Variants in COG5 observed in about 807,000 individuals in gnomAD.
COG5 encodes the protein conserved oligomeric Golgi complex subunit 5.
COG5 carries 86 observed loss-of-function variants against 110.4 expected under a neutral mutation model. That is an observed-to-expected ratio of 0.78 (90% CI 0.65 to 0.93). COG5 has a LOEUF of 0.93. Among genes scored for constraint, COG5 ranks in the 40% least tolerant of loss-of-function variants. The pLI is 0.00. For synonymous variants in COG5, 360 were observed against 334.6 expected, an observed-to-expected ratio of 1.08 and a Z score of -0.83; for missense variants, 1,077 against 987.0, an observed-to-expected ratio of 1.09 and a Z score of -1.22.
At chr7:107,557,864 T>C in intron 2 of COG5, 112 bp downstream of exon 2, 1 of 1,341,816 alleles carries the variant, frequency 7.5e-7, no homozygotes, top group Non-Finnish European at 1.1e-6. Flanking sequence ...GTCACACTGG[T>C]AAGTATGTAC....
chr7:107,328,291 G>T (rs139251105), intron 10 of COG5, among the ~76,000 whole-genome samples: 1 of 152,284 alleles, frequency 6.6e-6, no homozygotes, highest in Admixed American at 6.5e-5. Flanking sequence ...TAACACAATA[G>T]TACATTTGTG....
At chr7:107,306,535 G>C (rs1330469613) in intron 11 of COG5, among the ~76,000 whole-genome samples, 3 of 152,050 alleles carry the variant, frequency 2.0e-5, no homozygotes, top group Non-Finnish European at 4.4e-5. Context: ...AAAATATTAG[G>C]ATGGAATGAA....
intron 6 of COG5, among the ~76,000 whole-genome samples, chr7:107,492,989 G>C (rs1167866411): frequency 6.6e-6 from 1 of 152,156 alleles, no homozygotes; most frequent in Non-Finnish European, 1.5e-5. Context: ...TATGCTGGAA[G>C]TTTAATCCCC....
chr7:107,388,129 A>T (rs753488708), intron 7 of COG5, among the ~76,000 whole-genome samples: 2 of 152,210 alleles, frequency 1.3e-5, no homozygotes, highest in Admixed American at 6.5e-5. Context: ...GAAACTGGCT[A>T]AACAAATTAT....
chr7:107,458,459 G>C (rs975551473), intron 6 of COG5, among the ~76,000 whole-genome samples: 1 of 152,180 alleles, frequency 6.6e-6, no homozygotes, highest in African/African-American at 2.4e-5. Flanking sequence ...TAATAGTAAG[G>C]TTCTAACATT....
chr7:107,258,155 A>C, intron 15 of COG5, 118 bp downstream of exon 15: 1 of 674,874 alleles, frequency 1.5e-6, no homozygotes, highest in Admixed American at 2.4e-5. Context: ...TTATTTTATA[A>C]TCATCACATT....
chr7:107,508,890 C>A (rs1199636771), intron 6 of COG5, among the ~76,000 whole-genome samples: 4 of 152,132 alleles, frequency 2.6e-5, no homozygotes, highest in African/African-American at 7.2e-5. Context: ...ACCAAAAACC[C>A]TTCTGTACAT....
At chr7:107,231,681 C>T (rs1486455404) in intron 18 of COG5, among the ~76,000 whole-genome samples, 1 of 152,122 alleles carries the variant, frequency 6.6e-6, no homozygotes, top group African/African-American at 2.4e-5. Context: ...CAAAAAATTG[C>T]TTAAAATCTC....
chr7:107,562,945 T>C (rs901847194), intron 1 of COG5, among the ~76,000 whole-genome samples: 1 of 152,128 alleles, frequency 6.6e-6, no homozygotes, highest in Admixed American at 6.5e-5. Flanking sequence ...TAAAAAAAGT[T>C]TGCAATACAG....
intron 6 of COG5, among the ~76,000 whole-genome samples, 196 bp downstream of exon 6, chr7:107,527,041 A>G (rs906044397): frequency 6.6e-6 from 1 of 152,216 alleles, no homozygotes; most frequent in East Asian, 1.9e-4. Context: ...TATAATTAAA[A>G]TAAATAGCAT....
intron 11 of COG5, among the ~76,000 whole-genome samples, chr7:107,317,385 T>C (rs968368420): frequency 6.6e-6 from 1 of 152,124 alleles, no homozygotes; most frequent in Admixed American, 6.5e-5. Context: ...CTTTGAGTAT[T>C]CAGCAAAGCA....
chr7:107,374,843 A>G (rs1489689969), intron 7 of COG5, among the ~76,000 whole-genome samples: 1 of 151,994 alleles, frequency 6.6e-6, no homozygotes, highest in Non-Finnish European at 1.5e-5. Context: ...TAACACATAG[A>G]TTATGCCAGT....
intron 14 of COG5, among the ~76,000 whole-genome samples, chr7:107,271,676 A>C (rs865807746): frequency 6.6e-6 from 1 of 152,156 alleles, no homozygotes; most frequent in African/African-American, 2.4e-5. Context: ...AAAAATCATA[A>C]TTCTAGAATA....
At chr7:107,349,122 AT>A (rs1457030392) in intron 10 of COG5, among the ~76,000 whole-genome samples, 1 of 152,220 alleles carries the variant, frequency 6.6e-6, no homozygotes, top group Non-Finnish European at 1.5e-5. Context: ...AATTGTACAT[AT>A]TTTTAAACAT....
intron 6 of COG5, among the ~76,000 whole-genome samples, chr7:107,485,075 T>C (rs1368824270): frequency 6.6e-6 from 1 of 152,158 alleles, no homozygotes; most frequent in Non-Finnish European, 1.5e-5. Flanking sequence ...CCTTCAGAAA[T>C]ACCTTCCATA....
At chr7:107,226,473 G>C (rs1447217600) in intron 19 of COG5, among the ~76,000 whole-genome samples, 2 of 152,208 alleles carry the variant, frequency 1.3e-5, no homozygotes, top group African/African-American at 4.8e-5. Flanking sequence ...CCTATAATTA[G>C]GTTATTAGAA....
At chr7:107,225,776 C>T in intron 19 of COG5, among the ~76,000 whole-genome samples, 1 of 152,176 alleles carries the variant, frequency 6.6e-6, no homozygotes, top group Non-Finnish European at 1.5e-5. Flanking sequence ...GGCATGGTGG[C>T]TCTTGCCTGT....
intron 7 of COG5, among the ~76,000 whole-genome samples, chr7:107,386,136 TAGTCTA>T (rs1790173936): frequency 6.6e-6 from 1 of 151,880 alleles, no homozygotes; most frequent in Non-Finnish European, 1.5e-5. Context: ...CAGTTGAAGG[TAGTCTA>T]ATCCTCTTTG....
intron 5 of COG5, among the ~76,000 whole-genome samples, chr7:107,536,299 G>A (rs1801579144): frequency 6.6e-6 from 1 of 152,136 alleles, no homozygotes; most frequent in Non-Finnish European, 1.5e-5. Flanking sequence ...GAAATAAAGG[G>A]TATTCAAATA....
Sources: gnomAD v4.1 joint callset for allele counts (sites outside exome capture counted in the v4.1 genomes callset) on GRCh38, gnomAD v4.1.1 for gene constraint, MANE v1.5 for transcripts, NCBI Gene and HGNC (gene_info 2026-07-23, HGNC 2026-07-21) for gene names.